SVEP1: variants seen among roughly 807,000 people sequenced by gnomAD.
SVEP1 encodes sushi, von Willebrand factor type A, EGF and pentraxin domain containing 1, also known as sushi, von Willebrand factor type A, EGF and pentraxin domain-containing protein 1.
Under a neutral mutation model 367.3 loss-of-function variants are expected in SVEP1, and 164 were observed. The observed-to-expected ratio is 0.45, with a 90% CI of 0.39 to 0.51. The LOEUF is 0.51. Among genes scored for constraint, SVEP1 ranks in the 20% least tolerant of loss-of-function variants. The pLI, the probability that SVEP1 is intolerant of heterozygous loss-of-function variation, is 0.00. For synonymous variants in SVEP1, 1,666 were observed against 1,611.6 expected (o/e 1.03, Z -0.81); for missense variants, 4,117 against 4,425.3 (o/e 0.93, Z 1.98).
At chr9:110,366,668 C>G in intron 47 of SVEP1, 108 bp from the exon 48 acceptor site, 4 of 1,097,556 alleles carry the variant, frequency 3.6e-6, no homozygotes, top group Non-Finnish European at 5.0e-6. Flanking sequence ...GTCCCAGATA[C>G]CTGGGCATTA....
rs1827361629 is a variant in SVEP1 at position 110,377,177 on chromosome 9, C to T, written c.10504+94G>A. On this transcript the variant is annotated intron_variant, in intron 45 of 47. Coordinates refer to ENST00000374469, the MANE Select transcript of SVEP1 (RefSeq NM_153366.4). The stretch of plus-strand genomic sequence containing the variant: ...AAGGACTTACAGCAAATGAATTCTT[C>T]CCAACAGTACAACCATTTCCTGGTA... 1.3e-5 allele frequency: 15 copies of T among 1,139,320 alleles called. 1 individual carries two copies. The South Asian group carries it at 2.1e-4, about 16-fold the overall frequency. The allele number at this position is 1,139,320 out of a possible 1,614,324, so 70.6% of individuals were successfully genotyped here.
chr9:110,559,494 T>G (rs950260993), intron 1 of SVEP1, among the ~76,000 whole-genome samples: 1 of 152,024 alleles, frequency 6.6e-6, no homozygotes, highest in Non-Finnish European at 1.5e-5. Flanking sequence ...AATACCAAAA[T>G]AGCATAAGTT....
intron 3 of SVEP1, among the ~76,000 whole-genome samples, chr9:110,527,433 G>A (rs1480641808): frequency 6.6e-6 from 1 of 151,808 alleles, no homozygotes; most frequent in Middle Eastern, 3.2e-3. Flanking sequence ...TTAATGAGGT[G>A]AATAGTATGT....
Position 110,409,009 on chromosome 9 carries a change from C to T in SVEP1, c.6649-58G>A. 3 of 1,501,542 alleles carry T rather than the reference C, an allele frequency of 2.0e-6. No homozygotes were observed. In the Admixed American group the frequency reaches 6.8e-5, roughly 34 times the overall value. 93.0% of individuals were successfully genotyped at this position (1,501,542 alleles called of 1,614,324 possible). ...TTTGTATAACAGATGATAGCATTAACTAAATCCTTGGATAGTGAAAAAAAC... is the reference window on the plus strand; with the variant it reads ...TTTGTATAACAGATGATAGCATTAATTAAATCCTTGGATAGTGAAAAAAAC... On this transcript the variant is annotated intron_variant, in intron 37 of 47. Coordinates refer to ENST00000374469, the MANE Select transcript of SVEP1 (RefSeq NM_153366.4).
intron 16 of SVEP1, among the ~76,000 whole-genome samples, chr9:110,469,861 C>T (rs891189532): frequency 2.6e-5 from 4 of 152,152 alleles, no homozygotes; most frequent in South Asian, 4.2e-4. Flanking sequence ...CACCGCTCAA[C>T]GTGATTCCTA....
Position 110,516,614 on chromosome 9 carries a change from C to A in SVEP1, c.965-2508G>T, listed in dbSNP as rs183489013. ...GGATCCTCAAAGAGATAAAGGACAACGTGGTTTCCTTTAAACAGGAGTCAG... is the reference window on the plus strand; with the variant it reads ...GGATCCTCAAAGAGATAAAGGACAAAGTGGTTTCCTTTAAACAGGAGTCAG... On this transcript the variant is annotated intron_variant, in intron 3 of 47. Transcript: ENST00000374469. Among the ~76,000 whole-genome samples, 4 of 152,022 alleles carry A rather than the reference C, an allele frequency of 2.6e-5. No homozygotes were observed. The South Asian group carries it at 8.3e-4, about 32-fold the overall frequency.
At chr9:110,541,781 A>G (rs1231880792) in intron 3 of SVEP1, among the ~76,000 whole-genome samples, 1 of 146,438 alleles carries the variant, frequency 6.8e-6, no homozygotes, top group East Asian at 2.0e-4. Context: ...ATATATATCT[A>G]TATACATAGA....
At chr9:110,423,532 C>T (rs1322896447) in intron 36 of SVEP1, among the ~76,000 whole-genome samples, 2 of 152,052 alleles carry the variant, frequency 1.3e-5, no homozygotes, top group African/African-American at 4.8e-5. Flanking sequence ...GAAGTTAATG[C>T]TTTCTAAAGT....
chr9:110,512,207 G>A (rs1399745184), intron 5 of SVEP1, among the ~76,000 whole-genome samples: 1 of 152,070 alleles, frequency 6.6e-6, no homozygotes, highest in East Asian at 1.9e-4. Flanking sequence ...TTCTGATGGA[G>A]GTCCTCAAGT....
chr9:110,395,392 A>G (rs576040091), intron 40 of SVEP1, among the ~76,000 whole-genome samples: 1 of 152,350 alleles, frequency 6.6e-6, no homozygotes, highest in East Asian at 1.9e-4. Context: ...CACCCACTGC[A>G]AAAACATGCC....
At chr9:110,436,948 T>A (rs192105612) in intron 27 of SVEP1, among the ~76,000 whole-genome samples, 91 of 152,330 alleles carry the variant, frequency 6.0e-4, no homozygotes, top group African/African-American at 1.9e-3. Context: ...CCAAATTCAA[T>A]AAAAATTTCA....
At chr9:110,553,917 C>A (rs1019336073) in intron 1 of SVEP1, among the ~76,000 whole-genome samples, 7 of 152,148 alleles carry the variant, frequency 4.6e-5, no homozygotes, top group Admixed American at 6.6e-5. Flanking sequence ...CACCGCAAGC[C>A]TATTAAATAT....
intron 36 of SVEP1, among the ~76,000 whole-genome samples, chr9:110,424,934 A>T (rs1230317976): frequency 1.3e-5 from 2 of 152,226 alleles, no homozygotes; most frequent in Admixed American, 6.5e-5. Flanking sequence ...TTGGCCTCCC[A>T]AAGTGTTGGG....
At chr9:110,375,803 A>C (rs913952841) in intron 45 of SVEP1, among the ~76,000 whole-genome samples, 1 of 148,690 alleles carries the variant, frequency 6.7e-6, no homozygotes, top group Non-Finnish European at 1.5e-5. Flanking sequence ...ATAGTTTCAA[A>C]TTTCCATTAC....
chr9:110,369,904 T>G lies in SVEP1; in HGVS notation c.10694+19A>C. The G allele has an allele frequency of 6.2e-7, 1 of 1,602,984 alleles. No individual in the cohort carries two copies. ...GAGTCTTCATGTTATAGGCGAACAT[T>G]AGTTTTTGGTTATCTTACCTGGAAC... On this transcript the variant is annotated intron_variant, in intron 47 of 47. Coordinates refer to ENST00000374469, the MANE Select transcript of SVEP1 (RefSeq NM_153366.4).
chr9:110,383,742 T>C (rs1827478684), intron 43 of SVEP1, among the ~76,000 whole-genome samples: 1 of 152,134 alleles, frequency 6.6e-6, no homozygotes, highest in African/African-American at 2.4e-5. Context: ...CATGGCCACA[T>C]GGAGCCCCAG....
intron 3 of SVEP1, 68 bp from the exon 4 acceptor site, chr9:110,514,174 G>A: frequency 6.5e-7 from 1 of 1,547,554 alleles, no homozygotes; most frequent in Non-Finnish European, 8.8e-7. Context: ...CAAAACATTT[G>A]AAATTAATAT....
At position 110,432,482 on chromosome 9, in the gene SVEP1, C is replaced by T. The variant is rs1216989163; in HGVS notation, c.5213G>A (p.Gly1738Asp). The change falls in exon 31 of 48, where the codon GGC becomes GAC. Residue 1738 changes from glycine to aspartate, a missense_variant. Physicochemically the swap from Gly to Asp is moderately conservative, Grantham distance 94. Around this residue, in one of 4 missense-constraint regions of SVEP1, gnomAD observed 2,174 missense variants for 2,494.3 expected, o/e 0.87. Coordinates refer to ENST00000374469, the MANE Select transcript of SVEP1 (RefSeq NM_153366.4). ...MFCTDNGSWN[G>D]VSPSCLDVDE... ...CTCACCAAGGCAGGATGGTGAAACGCCGTTCCAGCTCCCATTATCTGTACA... is the reference window on the plus strand; with the variant it reads ...CTCACCAAGGCAGGATGGTGAAACGTCGTTCCAGCTCCCATTATCTGTACA... 1.2e-6 allele frequency: 2 copies of T among 1,612,820 alleles called. No homozygotes were observed. The highest frequency in any genetic ancestry group is 3.3e-5 in the Admixed American group (2 of 59,760).
intron 1 of SVEP1, among the ~76,000 whole-genome samples, chr9:110,577,410 G>A (rs1416503285): frequency 1.3e-5 from 2 of 152,108 alleles, no homozygotes; most frequent in Non-Finnish European, 2.9e-5. Context: ...TAAGCAAGTA[G>A]TGCTGGGACA....
Sources: gnomAD v4.1 joint callset for allele counts (sites outside exome capture counted in the v4.1 genomes callset) on GRCh38, gnomAD v4.1.1 for gene constraint, gnomAD v4.1.1 regional missense constraint, MANE v1.5 for transcripts, NCBI Gene and HGNC (gene_info 2026-07-23, HGNC 2026-07-21) for gene names.